SERPINF1: variants seen among roughly 807,000 people sequenced by gnomAD.
SERPINF1 encodes the protein pigment epithelium-derived factor.
In SERPINF1, 29 loss-of-function variants were observed where a neutral mutation model predicts 37.3. The observed-to-expected ratio is 0.78, with a 90% confidence interval of 0.58 to 1.06. The LOEUF (loss-of-function observed/expected upper bound fraction) is 1.06, where lower values mean the gene tolerates loss of function less well. Among genes scored for constraint, SERPINF1 ranks in the 50% least tolerant of loss-of-function variants. The pLI is 0.00. For missense variants in SERPINF1, 553 were observed against 532.2 expected (o/e 1.04, Z -0.38); for synonymous variants, 281 against 227.9 (o/e 1.23, Z -2.10).
intron 5 of SERPINF1, among the ~76,000 whole-genome samples, chr17:1,773,539 C>G (rs902443563): frequency 6.6e-6 from 1 of 152,208 alleles, no homozygotes; most frequent in Non-Finnish European, 1.5e-5. Flanking sequence ...TGAGCCACTG[C>G]GCTGGCCAAA....
chr17:1,774,603 A>G (rs1402361308), intron 5 of SERPINF1, among the ~76,000 whole-genome samples: 1 of 152,124 alleles, frequency 6.6e-6, no homozygotes, highest in Non-Finnish European at 1.5e-5. Flanking sequence ...AAGGGCTGGG[A>G]CTACAGGCGT....
At chr17:1,775,836 T>C (rs1907995417) in intron 6 of SERPINF1, among the ~76,000 whole-genome samples, 1 of 152,224 alleles carries the variant, frequency 6.6e-6, no homozygotes, top group Non-Finnish European at 1.5e-5. Flanking sequence ...GCTTGGCCAA[T>C]CGTTGGCATT....
intron 3 of SERPINF1, chr17:1,770,450 GTCTTT>G (rs1183112974): frequency 9.4e-6 from 2 of 212,732 alleles, no homozygotes; most frequent in Non-Finnish European, 1.8e-5. Flanking sequence ...CTACAGAATA[GTCTTT>G]TTTTTTTTTT....
At chr17:1,769,294 A>C (rs1171549672) in intron 2 of SERPINF1, among the ~76,000 whole-genome samples, 4 of 151,974 alleles carry the variant, frequency 2.6e-5, no homozygotes, top group African/African-American at 9.7e-5. Flanking sequence ...CTGTAGTCCC[A>C]GCTACTCGGG....
rs777787731 is a variant in SERPINF1, at chr17:1,766,974, C to A, written c.64C>A (p.Pro22Thr). The change falls in exon 2 of 8, where the codon CCT becomes ACT. Residue 22 changes from proline (P) to threonine (T), a missense_variant. Pro to Thr is a conservative substitution (Grantham distance 38, BLOSUM62 -1). Transcript: ENST00000254722. ...ALLGHSSCQNPASPPEEGSPD... is the reference protein window; with the variant it reads ...ALLGHSSCQNTASPPEEGSPD... ...CCTCGGGCACAGCAGCTGCCAGAAC[C>A]CTGCCAGCCCCCCGGAGGAGGTCAG... 2.4e-5 allele frequency: 37 copies of A among 1,557,700 alleles called. No individual in the cohort carries two copies. Among genetic ancestry groups the A allele is most frequent in the Non-Finnish European group, 3.1e-5 (36 of 1,150,430 alleles).
In SERPINF1 at chr17:1,765,223, A is replaced by G. The variant is rs577258876; in HGVS notation, c.-8-1680A>G. 1.8e-4 allele frequency among the ~76,000 whole-genome samples: 27 copies of G among 149,054 alleles called. 1 individual carries two copies. Among genetic ancestry groups the G allele is most frequent in the Middle Eastern group, 3.5e-3 (1 of 286 alleles). On this transcript the variant is annotated intron_variant, in intron 1 of 7. Transcript: ENST00000254722. ...AGTGGTGCGATCTTGGCTCACTGCA[A>G]CCTCCACCTCCCAAGTTCAAGTGAT...
intron 2 of SERPINF1, 91 bp downstream of exon 2, chr17:1,767,085 G>A (rs1907434066): frequency 2.6e-6 from 3 of 1,153,968 alleles, no homozygotes; most frequent in East Asian, 2.6e-5. Flanking sequence ...CCGGACCCAG[G>A]TTCCAGGCCA....
At chr17:1,774,490 A>G (rs1241687648) in intron 5 of SERPINF1, among the ~76,000 whole-genome samples, 2 of 151,766 alleles carry the variant, frequency 1.3e-5, no homozygotes, top group Admixed American at 1.3e-4. Flanking sequence ...GAGGCACCAC[A>G]CCCGGCCATT....
intron 7 of SERPINF1, 30 bp downstream of exon 7, chr17:1,776,772 G>T: frequency 6.2e-7 from 1 of 1,603,268 alleles, no homozygotes; most frequent in Non-Finnish European, 8.5e-7. Context: ...CGCTCTTGGT[G>T]GGTGGATGGG....
In SERPINF1 at chr17:1,771,858, C is replaced by G; in HGVS notation, c.440-14C>G. On this transcript the variant is annotated splice_polypyrimidine_tract_variant and intron_variant, in intron 4 of 7. Coordinates refer to ENST00000254722, the MANE Select transcript of SERPINF1 (RefSeq NM_002615.7). ...CGAGTCTCATACGCTAACCTCTGCTCCGCCTCTTCTCAGAGCTGCGCATAA... is the reference window on the plus strand; with the variant it reads ...CGAGTCTCATACGCTAACCTCTGCTGCGCCTCTTCTCAGAGCTGCGCATAA... The G allele has an allele frequency of 6.2e-7, 1 of 1,609,222 alleles. No individual in the cohort carries two copies. Among genetic ancestry groups the G allele is most frequent in the Non-Finnish European group, 8.5e-7 (1 of 1,179,480 alleles).
chr17:1,772,716 G>A (rs973874702), intron 5 of SERPINF1, among the ~76,000 whole-genome samples: 12 of 150,716 alleles, frequency 8.0e-5, no homozygotes, highest in African/African-American at 1.5e-4. Context: ...CCGCCACTGC[G>A]CCCTACTAAT....
chr17:1,774,316 C>G (rs548883586), intron 5 of SERPINF1, among the ~76,000 whole-genome samples: 46 of 152,338 alleles, frequency 3.0e-4, no homozygotes, highest in Non-Finnish European at 6.0e-4. Flanking sequence ...CTGTCTCTGC[C>G]TCCCGAGTAG....
chr17:1,775,234 TGGA>T (rs780833371), intron 6 of SERPINF1, 34 bp downstream of exon 6: 46 of 1,601,160 alleles, frequency 2.9e-5, no homozygotes, highest in Non-Finnish European at 3.9e-5. Context: ...GGGGGGTGGA[TGGA>T]GGGAGAGGAT....
chr17:1,775,646 C>T (rs1315769387), intron 6 of SERPINF1, among the ~76,000 whole-genome samples: 4 of 151,186 alleles, frequency 2.6e-5, no homozygotes, highest in South Asian at 4.2e-4. Context: ...TGGGTTAAAG[C>T]GATTCTCTTG....
At chr17:1,771,433 T>G (rs1206794691) in intron 4 of SERPINF1, among the ~76,000 whole-genome samples, 1 of 151,714 alleles carries the variant, frequency 6.6e-6, no homozygotes, top group Non-Finnish European at 1.5e-5. Context: ...AGAGACGGGG[T>G]TTCACCGTGT....
At chr17:1,768,356 G>C (rs534720556) in intron 2 of SERPINF1, among the ~76,000 whole-genome samples, 2 of 149,976 alleles carry the variant, frequency 1.3e-5, no homozygotes, top group Admixed American at 6.7e-5. Flanking sequence ...GCGTGAACCC[G>C]GGAGGTGGAG....
chr17:1,769,431 C>T (rs970050383), intron 2 of SERPINF1, among the ~76,000 whole-genome samples: 4 of 148,434 alleles, frequency 2.7e-5, no homozygotes, highest in Non-Finnish European at 5.9e-5. Context: ...AAAAGTGGGT[C>T]ATAGGTTTCG....
At chr17:1,769,726 G>C in intron 2 of SERPINF1, 126 bp from the exon 3 acceptor site, 2 of 1,050,210 alleles carry the variant, frequency 1.9e-6, no homozygotes, top group Admixed American at 1.7e-5. Context: ...GCCAAACACA[G>C]AAAAATTAGG....
rs918581134 is a variant in SERPINF1 at position 1,766,919 on chromosome 17, C to T, written c.9C>T (p.Ala3=). MQ[A]LVLLLCIGAL... ...TTCTTGCAGGCCCCAGGATGCAGGC[C>T]CTGGTGCTACTCCTCTGCATTGGAG... Residue 3 remains alanine (A), a synonymous_variant, in exon 2 of 8, where the codon GCC becomes GCT. Transcript: ENST00000254722. 3 of 1,561,990 alleles carry T rather than the reference C, an allele frequency of 1.9e-6. No homozygotes were observed. Among genetic ancestry groups the T allele is most frequent in the East Asian group, 2.4e-5 (1 of 41,958 alleles).
Sources: gnomAD v4.1 joint callset for allele counts (sites outside exome capture counted in the v4.1 genomes callset) on GRCh38, gnomAD v4.1.1 for gene constraint, MANE v1.5 for transcripts, NCBI Gene and HGNC (gene_info 2026-07-23, HGNC 2026-07-21) for gene names.